LRTM3: variants seen among roughly 807,000 people sequenced by gnomAD.
LRTM3 encodes leucine-rich repeat transmembrane protein 3.
chr13:102,739,225 C>T, the LRTM3 span: 2 of 1,550,256 alleles, frequency 1.3e-6, no homozygotes, highest in East Asian at 4.9e-5. Context: ...CTTTTCCATG[C>T]AGTAAATGTC....
At chr13:102,756,421 C>G in the LRTM3 span, among the ~76,000 whole-genome samples, 1 of 151,390 alleles carries the variant, frequency 6.6e-6, no homozygotes, top group Non-Finnish European at 1.5e-5. Context: ...GACTGTAATC[C>G]CAGCACTTTG....
chr13:102,746,881 G>T, the LRTM3 span: 1 of 1,551,296 alleles, frequency 6.4e-7, no homozygotes, highest in African/African-American at 1.4e-5. Context: ...TGCATTTGCA[G>T]TCTGTTTGTG....
chr13:102,735,028 G>T, the LRTM3 span: 1 of 1,551,180 alleles, frequency 6.4e-7, no homozygotes, highest in Non-Finnish European at 8.7e-7. Flanking sequence ...ATATTGGTAT[G>T]CTTTCCTCCT....
the LRTM3 span, chr13:102,730,507 T>A: frequency 6.4e-7 from 1 of 1,551,636 alleles, no homozygotes; most frequent in Non-Finnish European, 8.7e-7. Context: ...CATGATATTG[T>A]TTGTTTTTTT....
the LRTM3 span, chr13:102,743,534 A>G: frequency 1.3e-6 from 2 of 1,548,814 alleles, no homozygotes; most frequent in South Asian, 2.4e-5. Context: ...TTTGGGATTC[A>G]ATATAATTTT....
At chr13:102,734,621 T>G in the LRTM3 span, 3 of 1,551,084 alleles carry the variant, frequency 1.9e-6, no homozygotes, top group Non-Finnish European at 2.6e-6. Flanking sequence ...TTGCTTTTCA[T>G]TTTTAACATC....
the LRTM3 span, chr13:102,748,257 G>A: frequency 1.3e-6 from 2 of 1,550,910 alleles, no homozygotes; most frequent in Non-Finnish European, 1.7e-6. Context: ...CTTTCACGTA[G>A]GTCACTGTCT....
At chr13:102,749,028 A>C in the LRTM3 span, 1 of 1,550,830 alleles carries the variant, frequency 6.4e-7, no homozygotes, top group East Asian at 2.4e-5. Context: ...TTTCTGGAAT[A>C]ATTTTTAACA....
At chr13:102,736,058 T>A in the LRTM3 span, 19 of 1,543,842 alleles carry the variant, frequency 1.2e-5, no homozygotes, top group Non-Finnish European at 1.6e-5. Flanking sequence ...CTTTGCCTCT[T>A]TATATGGCAT....
At chr13:102,734,346 T>C in the LRTM3 span, 1 of 1,551,258 alleles carries the variant, frequency 6.4e-7, no homozygotes, top group African/African-American at 1.4e-5. Context: ...CCTCCAAGCC[T>C]TTCTTCATCT....
chr13:102,745,785 A>T, the LRTM3 span: 2 of 1,551,140 alleles, frequency 1.3e-6, no homozygotes, highest in East Asian at 2.4e-5. Context: ...GCTTCCCCAG[A>T]CTTTAGAGGT....
the LRTM3 span, chr13:102,738,193 T>G: frequency 5.5e-5 from 85 of 1,550,890 alleles, no homozygotes; most frequent in Non-Finnish European, 7.1e-5. Context: ...CTGGATGCAT[T>G]ATGTCTTTCT....
At chr13:102,729,650 A>G in the LRTM3 span, 2 of 1,550,764 alleles carry the variant, frequency 1.3e-6, no homozygotes, top group African/African-American at 1.4e-5. Context: ...ACAGGCAAAA[A>G]AAAAGGGCCG....
At chr13:102,733,754 T>A in the LRTM3 span, 1 of 1,551,330 alleles carries the variant, frequency 6.4e-7, no homozygotes, top group Non-Finnish European at 8.7e-7. Flanking sequence ...CTGATTCAAA[T>A]CTTCTTCTGA....
At chr13:102,742,473 T>A in the LRTM3 span, 1 of 1,549,534 alleles carries the variant, frequency 6.5e-7, no homozygotes, top group Non-Finnish European at 8.7e-7. Context: ...CAGTCTGCAG[T>A]TTTAAATTCT....
At chr13:102,746,068 G>A in the LRTM3 span, 32 of 1,551,096 alleles carry the variant, frequency 2.1e-5, no homozygotes, top group African/African-American at 1.1e-4. Context: ...TTTCTGTTTC[G>A]TTGGCTTTTT....
At chr13:102,748,127 G>A in the LRTM3 span, 1 of 1,551,040 alleles carries the variant, frequency 6.4e-7, no homozygotes, top group East Asian at 2.4e-5. Flanking sequence ...TATGCTATGT[G>A]TTTCTGTATC....
the LRTM3 span, chr13:102,758,601 TAGA>T: frequency 7.1e-6 from 11 of 1,539,992 alleles, no homozygotes; most frequent in South Asian, 1.2e-5. Flanking sequence ...AAAAAATTGT[TAGA>T]GGAGTAATCG....
chr13:102,744,767 A>G, the LRTM3 span: 1 of 1,550,522 alleles, frequency 6.4e-7, no homozygotes, highest in South Asian at 1.2e-5. Context: ...ATTCATGTTC[A>G]TTGCATTACT....
Sources: allele counts gnomAD v4.1 joint callset (sites outside exome capture counted in the v4.1 genomes callset), GRCh38; gene constraint gnomAD v4.1.1; transcripts MANE v1.5; gene names NCBI Gene and HGNC (gene_info 2026-07-23, HGNC 2026-07-21).